MATN2: variants seen among roughly 807,000 people sequenced by gnomAD.
MATN2 encodes matrilin-2.
Under a neutral mutation model 103.2 loss-of-function variants are expected in MATN2, and 69 were observed. That is an observed-to-expected ratio of 0.67 (90% CI 0.55 to 0.82). MATN2 has a LOEUF of 0.82. Ranked by LOEUF, MATN2 falls within the 40% of genes least tolerant of loss-of-function variation. MATN2 has a pLI of 0.00. For missense variants in MATN2, 1,023 were observed against 1,211.5 expected (o/e 0.84, Z 2.31); for synonymous variants, 429 against 450.2 (o/e 0.95, Z 0.60).
At chr8:97,897,980 C>A (rs1818868001) in intron 2 of MATN2, among the ~76,000 whole-genome samples, 1 of 152,298 alleles carries the variant, frequency 6.6e-6, no homozygotes, top group Admixed American at 6.5e-5. Flanking sequence ...CCTTCTTTCT[C>A]CCTTTCTCCT....
At chr8:98,010,606 C>G (rs776317260) in intron 10 of MATN2, among the ~76,000 whole-genome samples, 1 of 152,170 alleles carries the variant, frequency 6.6e-6, no homozygotes, top group Non-Finnish European at 1.5e-5. Context: ...TCAGAACCCC[C>G]TGCACTGAGG....
chr8:97,906,752 T>C (rs867839253), intron 2 of MATN2, among the ~76,000 whole-genome samples: 1 of 152,214 alleles, frequency 6.6e-6, no homozygotes, highest in Admixed American at 6.5e-5. Flanking sequence ...TACGGGGACA[T>C]CAATGGACAA....
chr8:97,902,826 G>A (rs1819034253), intron 2 of MATN2, among the ~76,000 whole-genome samples: 2 of 152,338 alleles, frequency 1.3e-5, no homozygotes, highest in South Asian at 4.1e-4. Context: ...CTACATTGCA[G>A]TAAAAGGCTC....
At position 98,021,224 on chromosome 8, in the gene MATN2, A is replaced by G. The variant is rs1372222668; in HGVS notation, c.1839A>G (p.Ser613=). ...CCTCAGGGAAGGATGTCTGCAAATC[A>G]ACCCACCATGGCTGCGAACACATTT... ...KRCRRKDVCK[S]THHGCEHICV... Residue 613 remains serine, a synonymous_variant, in exon 13 of 19, where the codon TCA becomes TCG. Coordinates refer to ENST00000254898, the MANE Select transcript of MATN2 (RefSeq NM_002380.5). 3.1e-6 allele frequency: 5 copies of G among 1,613,540 alleles called. No homozygotes were observed. The highest frequency in any genetic ancestry group is 3.4e-6 in the Non-Finnish European group (4 of 1,179,622).
chr8:98,018,433 C>T (rs1217474801), intron 12 of MATN2, among the ~76,000 whole-genome samples: 1 of 152,182 alleles, frequency 6.6e-6, no homozygotes, highest in African/African-American at 2.4e-5. Flanking sequence ...GAACCTCTGC[C>T]AGCAATCACT....
At chr8:97,980,015 A>G (rs1811965826) in intron 6 of MATN2, among the ~76,000 whole-genome samples, 1 of 152,174 alleles carries the variant, frequency 6.6e-6, no homozygotes, top group African/African-American at 2.4e-5. Flanking sequence ...ATTAGGTCAA[A>G]AGCATACATT....
intron 2 of MATN2, among the ~76,000 whole-genome samples, chr8:97,919,136 TG>T (rs1192946759): frequency 6.6e-6 from 1 of 152,182 alleles, no homozygotes; most frequent in African/African-American, 2.4e-5. Flanking sequence ...TCTAGACCCT[TG>T]GCAGATGGTC....
At chr8:98,019,582 A>G (rs1009516786) in intron 12 of MATN2, among the ~76,000 whole-genome samples, 1 of 152,218 alleles carries the variant, frequency 6.6e-6, no homozygotes, top group Non-Finnish European at 1.5e-5. Context: ...TGGGCACTAT[A>G]GCCTAGCCAA....
intron 2 of MATN2, among the ~76,000 whole-genome samples, chr8:97,909,056 A>G (rs1819276428): frequency 6.6e-6 from 1 of 151,932 alleles, no homozygotes; most frequent in Non-Finnish European, 1.5e-5. Context: ...CTCCCATCTC[A>G]GCCTCCCAAG....
At chr8:97,996,868 G>A (rs1340753206) in intron 7 of MATN2, among the ~76,000 whole-genome samples, 2 of 152,160 alleles carry the variant, frequency 1.3e-5, no homozygotes, top group Non-Finnish European at 1.5e-5. Flanking sequence ...AGCCATTTAC[G>A]TTTAATAGGA....
intron 13 of MATN2, among the ~76,000 whole-genome samples, chr8:98,024,700 TG>T (rs1277073044): frequency 6.6e-6 from 1 of 152,224 alleles, no homozygotes. Flanking sequence ...CTGGAGTAGA[TG>T]ATCTTTAAAG....
chr8:97,897,065 A>C (rs1250242936), intron 2 of MATN2, among the ~76,000 whole-genome samples: 3 of 152,234 alleles, frequency 2.0e-5, no homozygotes, highest in Non-Finnish European at 4.4e-5. Context: ...GGGATTAGGC[A>C]GTGAAGCAGG....
At chr8:97,956,435 C>T (rs959772825) in intron 4 of MATN2, among the ~76,000 whole-genome samples, 1 of 152,118 alleles carries the variant, frequency 6.6e-6, no homozygotes, top group Non-Finnish European at 1.5e-5. Flanking sequence ...CCTCGGTCTC[C>T]GAAAATGCTG....
At chr8:97,901,126 C>G (rs371805635) in intron 2 of MATN2, among the ~76,000 whole-genome samples, 2 of 152,040 alleles carry the variant, frequency 1.3e-5, no homozygotes, top group East Asian at 3.9e-4. Flanking sequence ...CACCACTGAC[C>G]GAAGCAGGCC....
chr8:98,018,175 A>C (rs1813440561), intron 12 of MATN2, 59 bp downstream of exon 12: 2 of 1,602,178 alleles, frequency 1.2e-6, no homozygotes, highest in East Asian at 2.2e-5. Context: ...CAGTTAGAGA[A>C]GTTCATTTAA....
At chr8:97,980,080 A>G (rs1047127511) in intron 6 of MATN2, among the ~76,000 whole-genome samples, 2 of 152,160 alleles carry the variant, frequency 1.3e-5, no homozygotes, top group Non-Finnish European at 2.9e-5. Context: ...TCCTTAAGGG[A>G]GAAGATAACT....
intron 5 of MATN2, among the ~76,000 whole-genome samples, chr8:97,972,006 G>A (rs2130290049): frequency 6.6e-6 from 1 of 152,000 alleles, no homozygotes; most frequent in East Asian, 1.9e-4. Context: ...GACCAGCCTG[G>A]TCAACATGGT....
chr8:97,937,726 C>T (rs12675608), intron 3 of MATN2, among the ~76,000 whole-genome samples: 13,580 of 151,558 alleles, frequency 0.09, 860 homozygotes, highest in Admixed American at 0.19. Flanking sequence ...GTAGCTGAGC[C>T]CACCACCATG....
intron 3 of MATN2, among the ~76,000 whole-genome samples, chr8:97,941,003 A>C (rs1004968720): frequency 6.6e-6 from 1 of 151,850 alleles, no homozygotes; most frequent in Admixed American, 6.6e-5. Context: ...TACAAAAAAA[A>C]TTTTAAAAAT....
Sources: allele counts gnomAD v4.1 joint callset (sites outside exome capture counted in the v4.1 genomes callset), GRCh38; gene constraint gnomAD v4.1.1; transcripts MANE v1.5; gene names NCBI Gene and HGNC (gene_info 2026-07-23, HGNC 2026-07-21).